The following HEATR4 variants were observed in gnomAD, a reference collection of about 807,000 sequenced individuals.
The protein encoded by HEATR4 is HEAT repeat-containing protein 4.
HEATR4 carries 95 observed loss-of-function variants against 108.8 expected under a neutral mutation model. The observed-to-expected ratio is 0.87, with a 90% CI of 0.74 to 1.04. HEATR4 has a LOEUF of 1.04. Ranked by LOEUF, HEATR4 falls within the 50% of genes least tolerant of loss-of-function variation. The probability of loss-of-function intolerance (pLI) is 0.00; values close to 1 mark genes in which losing one functional copy is unlikely to be tolerated. For missense variants in HEATR4, 1,152 were observed against 1,253.8 expected, an observed-to-expected ratio of 0.92 and a Z score of 1.23; for synonymous variants, 443 against 459.4, an observed-to-expected ratio of 0.96 and a Z score of 0.46.
At chr14:73,596,713 C>T in the HEATR4 span, among the ~76,000 whole-genome samples, 2 of 152,028 alleles carry the variant, frequency 1.3e-5, no homozygotes, top group Non-Finnish European at 2.9e-5. Flanking sequence ...ATTCTCCTGC[C>T]TCAGCCTCCC....
chr14:73,593,648 A>G, the HEATR4 span: 1 of 1,509,636 alleles, frequency 6.6e-7, no homozygotes, highest in Non-Finnish European at 9.0e-7. Context: ...CAGCCAGGAA[A>G]GCAAATTCTT....
chr14:73,624,882 A>G, the HEATR4 span, among the ~76,000 whole-genome samples: 1 of 152,316 alleles, frequency 6.6e-6, no homozygotes, highest in African/African-American at 2.4e-5. Context: ...TTTCAAATAC[A>G]GGTATACTTT....
intron 17 of HEATR4, among the ~76,000 whole-genome samples, chr14:73,486,704 A>T (rs1395548907): frequency 6.6e-6 from 1 of 152,228 alleles, no homozygotes; most frequent in East Asian, 1.9e-4. Flanking sequence ...TCTTGAAAAA[A>T]AAAAAGAAAG....
the HEATR4 span, among the ~76,000 whole-genome samples, chr14:73,614,835 G>A: frequency 7.9e-5 from 12 of 151,312 alleles, no homozygotes; most frequent in South Asian, 2.1e-4. Flanking sequence ...AGTGGCTCAC[G>A]CCTGTAATCC....
In HEATR4 at chr14:73,537,655, G is replaced by T; in HGVS notation, c.-151-7411C>A. On this transcript the variant is annotated intron_variant, in intron 1 of 17. Transcript: ENST00000553558. ...GCAGCTTCGCGGGGCTTGAGCCCATGGGGCTGCTCTGGGCCTTGGAGCCCG... is the reference window on the plus strand; with the variant it reads ...GCAGCTTCGCGGGGCTTGAGCCCATTGGGCTGCTCTGGGCCTTGGAGCCCG... The T allele has an allele frequency of 2.4e-6, 3 of 1,236,418 alleles. 1 individual carries two copies. Among genetic ancestry groups the T allele is most frequent in the Non-Finnish European group, 3.2e-6 (3 of 935,732 alleles). 76.6% of individuals were successfully genotyped at this position (1,236,418 alleles called of 1,614,324 possible).
At chr14:73,619,198 T>C in the HEATR4 span, 1 of 1,525,420 alleles carries the variant, frequency 6.6e-7, no homozygotes, top group African/African-American at 1.4e-5. Flanking sequence ...CATTTATGAA[T>C]TCTAAGCTTG....
chr14:73,562,803 G>A (rs1429786358), upstream of HEATR4, among the ~76,000 whole-genome samples: 2 of 151,934 alleles, frequency 1.3e-5, no homozygotes, highest in Admixed American at 1.3e-4. Context: ...TGGTCAGACT[G>A]GTTCTCTGCT....
chr14:73,485,641 G>A (rs1328428674), intron 17 of HEATR4, among the ~76,000 whole-genome samples: 1 of 152,132 alleles, frequency 6.6e-6, no homozygotes, highest in Non-Finnish European at 1.5e-5. Context: ...GGGAGGCCAA[G>A]GCAGTTGGAT....
In HEATR4 at chr14:73,513,728, C is replaced by CAAAAAAA. The variant is rs747778891; in HGVS notation, c.1414+296_1414+302dup. Among the ~76,000 whole-genome samples the CAAAAAAA allele has an allele frequency of 1.9e-4, 9 of 46,774 alleles. 2 individuals are homozygous for CAAAAAAA. Among genetic ancestry groups the CAAAAAAA allele is most frequent in the African/African-American group, 2.3e-4 (3 of 13,184 alleles). 30.7% of individuals were successfully genotyped at this position (46,774 alleles called of 152,430 possible). ...GGCAACAAGAGCGAAACTACGTCTC[C>CAAAAAAA]AAAAAAAAAAAAAAAAAAAAAAAAA... is the stretch of plus-strand genomic sequence containing the variant. On this transcript the variant is annotated intron_variant, in intron 6 of 17. Transcript: ENST00000553558.
chr14:73,511,109 G>T (rs1389027510), intron 7 of HEATR4, among the ~76,000 whole-genome samples: 1 of 152,188 alleles, frequency 6.6e-6, no homozygotes, highest in African/African-American at 2.4e-5. Flanking sequence ...AAGGGGAAAG[G>T]TTTGTTATCC....
At chr14:73,555,136 T>C (rs1889376519) in intron 1 of HEATR4, among the ~76,000 whole-genome samples, 1 of 113,316 alleles carries the variant, frequency 8.8e-6, no homozygotes, top group Non-Finnish European at 1.9e-5. Flanking sequence ...GAGAAAGATA[T>C]GAATATACAG....
the HEATR4 span, among the ~76,000 whole-genome samples, chr14:73,628,944 A>G: frequency 6.6e-6 from 1 of 151,612 alleles, no homozygotes; most frequent in Non-Finnish European, 1.5e-5. Flanking sequence ...AATCCCACCT[A>G]CTTGGGAGGC....
At chr14:73,605,367 T>C in the HEATR4 span, among the ~76,000 whole-genome samples, 3 of 152,182 alleles carry the variant, frequency 2.0e-5, no homozygotes, top group Non-Finnish European at 2.9e-5. Context: ...CAAGCTGTCC[T>C]TGTTCATTCC....
At chr14:73,591,906 G>C in the HEATR4 span, 2 of 1,322,770 alleles carry the variant, frequency 1.5e-6, no homozygotes, top group Non-Finnish European at 1.9e-6. Context: ...CGCTTGCCAC[G>C]ATCTTGGACG....
At chr14:73,506,691 A>AT in intron 9 of HEATR4, 120 bp from the exon 10 acceptor site, 1 of 654,836 alleles carries the variant, frequency 1.5e-6, no homozygotes, top group Non-Finnish European at 2.6e-6. Context: ...CTTACAAGAG[A>AT]TGGGGCATGT....
Position 73,478,745 on chromosome 14 carries a change from CGTAG to C in HEATR4, c.2938_2941del (p.Leu980AlafsTer?). On this transcript the variant is annotated frameshift_variant, in exon 18 of 18. Coordinates refer to ENST00000553558, the MANE Select transcript of HEATR4 (RefSeq NM_001220484.1). LOFTEE classifies it low-confidence loss of function (END_TRUNC). ...AGCAATCCTTTTCTCGGGGGAGGTGCGTAGATCTTTGACAAGTGATGAACGAACT... is the reference window on the plus strand; with the variant it reads ...AGCAATCCTTTTCTCGGGGGAGGTGCATCTTTGACAAGTGATGAACGAACT... The C allele has an allele frequency of 6.2e-7, 1 of 1,613,704 alleles. No homozygotes were observed.
At chr14:73,589,567 A>C in the HEATR4 span, among the ~76,000 whole-genome samples, 1 of 152,016 alleles carries the variant, frequency 6.6e-6, no homozygotes, top group South Asian at 2.1e-4. Context: ...GATCCGCCCA[A>C]CTCGGCCTCC....
chr14:73,583,348 CA>C, the HEATR4 span, among the ~76,000 whole-genome samples: 79,454 of 128,966 alleles, frequency 0.62, 23,734 homozygotes, highest in East Asian at 0.84. Context: ...GACTCCGTCT[CA>C]AAAAAAAAAA....
the HEATR4 span, among the ~76,000 whole-genome samples, chr14:73,633,281 A>C: frequency 6.6e-6 from 1 of 152,156 alleles, no homozygotes; most frequent in African/African-American, 2.4e-5. Context: ...CTGGGATTAC[A>C]GGCGTGAGCC....
Sources: allele counts gnomAD v4.1 joint callset (sites outside exome capture counted in the v4.1 genomes callset), GRCh38; gene constraint gnomAD v4.1.1; transcripts MANE v1.5; gene names NCBI Gene and HGNC (gene_info 2026-07-23, HGNC 2026-07-21).